The following LYPLA1 variants were observed in gnomAD, a reference collection of about 807,000 sequenced individuals.
The protein encoded by LYPLA1 is acyl-protein thioesterase 1.
LYPLA1 carries 17 observed loss-of-function variants against 34.0 expected under a neutral mutation model. That is an observed-to-expected ratio of 0.50 (90% CI 0.34 to 0.75). LYPLA1 has a LOEUF of 0.75. LYPLA1 is among the 30% of genes least tolerant of loss of function. LYPLA1 has a pLI of 0.01. For missense variants in LYPLA1, 203 were observed against 288.8 expected, an observed-to-expected ratio of 0.70 and a Z score of 2.15; for synonymous variants, 98 against 100.8, an observed-to-expected ratio of 0.97 and a Z score of 0.17.
At chr8:54,071,787 T>A (rs191062651) in intron 2 of LYPLA1, among the ~76,000 whole-genome samples, 2 of 152,118 alleles carry the variant, frequency 1.3e-5, no homozygotes, top group East Asian at 3.9e-4. Flanking sequence ...GAAGAATCAA[T>A]ACTGTTAAAT....
chr8:54,049,405 CCTTT>C (rs944240792), intron 8 of LYPLA1, among the ~76,000 whole-genome samples: 3 of 152,034 alleles, frequency 2.0e-5, no homozygotes, highest in Non-Finnish European at 2.9e-5. Flanking sequence ...ATTCATCCAT[CCTTT>C]CTTTCTTTTT....
rs776614227 is a variant in LYPLA1, at chr8:54,063,330, T to C, written c.213A>G (p.Ser71=). Residue 71 remains serine (S), a splice_region_variant and synonymous_variant, in exon 4 of 9, where the codon TCA becomes TCG. Transcript: ENST00000316963. ...TCAATAAGTAAATTCTTACTTACCA[T>C]GAAGGCATAGCCACGTTCATATTTA... ...VTLNMNVAMP[S]WFDIIGLSPD... 2 of 1,513,584 alleles carry C rather than the reference T, an allele frequency of 1.3e-6. No homozygotes were observed. Among genetic ancestry groups the C allele is most frequent in the African/African-American group, 1.4e-5 (1 of 71,526 alleles). 93.8% of individuals were successfully genotyped at this position (1,513,584 alleles called of 1,614,324 possible). A position where few individuals can be genotyped will look rare whatever the true frequency, so the allele number is the denominator to read the frequency against.
chr8:54,098,713 G>A (rs1003891034), intron 2 of LYPLA1, among the ~76,000 whole-genome samples: 1 of 151,980 alleles, frequency 6.6e-6, no homozygotes, highest in Non-Finnish European at 1.5e-5. Context: ...AAAAAAGAAT[G>A]GTGTACAATT....
At chr8:54,092,377 A>C (rs1809367087) in intron 2 of LYPLA1, among the ~76,000 whole-genome samples, 1 of 151,990 alleles carries the variant, frequency 6.6e-6, no homozygotes, top group Non-Finnish European at 1.5e-5. Context: ...AAGAGGAGGA[A>C]GAAAGAAGAA....
At chr8:54,063,437 A>G in intron 3 of LYPLA1, 62 bp from the exon 4 acceptor site, 1 of 1,042,928 alleles carries the variant, frequency 9.6e-7, no homozygotes, top group Non-Finnish European at 1.4e-6. Context: ...GATAAATTCC[A>G]TTAATCAAAA....
At chr8:54,085,511 G>A (rs368071066) in intron 2 of LYPLA1, among the ~76,000 whole-genome samples, 213 of 151,678 alleles carry the variant, frequency 1.4e-3, no homozygotes, top group Middle Eastern at 0.01. Context: ...CTTCCCGGCC[G>A]TCATCCCGTC....
At chr8:54,049,767 G>A in intron 8 of LYPLA1, among the ~76,000 whole-genome samples, 1 of 151,782 alleles carries the variant, frequency 6.6e-6, no homozygotes, top group East Asian at 1.9e-4. Context: ...TCTTCTTCCT[G>A]TTTACCAAAA....
At chr8:54,068,803 CAAG>C (rs1807262324) in intron 2 of LYPLA1, among the ~76,000 whole-genome samples, 1 of 151,854 alleles carries the variant, frequency 6.6e-6, no homozygotes, top group Non-Finnish European at 1.5e-5. Context: ...GCACAACCGA[CAAG>C]AAAAAAATAG....
At chr8:54,066,278 C>T (rs189647512) in intron 2 of LYPLA1, among the ~76,000 whole-genome samples, 2 of 152,138 alleles carry the variant, frequency 1.3e-5, no homozygotes, top group African/African-American at 2.4e-5. Flanking sequence ...ACTATTAAAA[C>T]AACACCATGA....
chr8:54,093,318 T>A (rs1256749773), intron 2 of LYPLA1, among the ~76,000 whole-genome samples: 1 of 152,192 alleles, frequency 6.6e-6, no homozygotes, highest in Non-Finnish European at 1.5e-5. Flanking sequence ...ATTTCCTTAG[T>A]TAAGAGTTGA....
intron 2 of LYPLA1, chr8:54,073,411 G>A (rs544529997): frequency 1.3e-5 from 10 of 776,584 alleles, no homozygotes; most frequent in Admixed American, 5.1e-5. Context: ...ATGCTGGCAC[G>A]GCCAGCTCCG....
intron 3 of LYPLA1, 62 bp downstream of exon 3, chr8:54,065,686 A>C (rs1563594795): frequency 1.6e-6 from 2 of 1,264,342 alleles, no homozygotes; most frequent in African/African-American, 1.5e-5. Context: ...GGAAGGGTAA[A>C]GCAATCACAA....
At chr8:54,084,406 A>G (rs902801528) in intron 2 of LYPLA1, among the ~76,000 whole-genome samples, 3 of 151,894 alleles carry the variant, frequency 2.0e-5, no homozygotes, top group African/African-American at 7.3e-5. Flanking sequence ...CCCCATCTCT[A>G]CCCAAAATAC....
chr8:54,080,368 A>G (rs1380304621), intron 2 of LYPLA1, among the ~76,000 whole-genome samples: 1 of 152,226 alleles, frequency 6.6e-6, no homozygotes, highest in Non-Finnish European at 1.5e-5. Flanking sequence ...AAAAATAGTA[A>G]TAACAATCTT....
intron 2 of LYPLA1, among the ~76,000 whole-genome samples, chr8:54,067,620 T>TAAGGAA (rs1807161465): frequency 6.6e-6 from 1 of 152,214 alleles, no homozygotes; most frequent in Admixed American, 6.5e-5. Context: ...GCTTTTTACA[T>TAAGGAA]ATTATCTCTA....
Position 54,081,724 on chromosome 8 carries a change from G to A in LYPLA1, c.102-15911C>T, listed in dbSNP as rs562140690. Among the ~76,000 whole-genome samples the A allele has an allele frequency of 1.6e-3, 221 of 138,616 alleles. 1 individual carries two copies. Among genetic ancestry groups the A allele is most frequent in the African/African-American group, 5.3e-3 (204 of 38,378 alleles). 90.9% of individuals were successfully genotyped at this position (138,616 alleles called of 152,430 possible). Reference sequence around the variant, plus strand: ...ACCACTGCGCCCAGCCTTTCTTTTCGTTTTTTTTTTTTTTGAGACAGAGTT... The same window carrying A: ...ACCACTGCGCCCAGCCTTTCTTTTCATTTTTTTTTTTTTTGAGACAGAGTT... On this transcript the variant is annotated intron_variant, in intron 2 of 8. Coordinates refer to ENST00000316963, the MANE Select transcript of LYPLA1 (RefSeq NM_006330.4).
At chr8:54,077,577 C>G (rs1180783540) in intron 2 of LYPLA1, among the ~76,000 whole-genome samples, 1 of 152,180 alleles carries the variant, frequency 6.6e-6, no homozygotes, top group Non-Finnish European at 1.5e-5. Context: ...AGACGGATCA[C>G]TTGAGGTCAG....
intron 5 of LYPLA1, among the ~76,000 whole-genome samples, chr8:54,059,121 G>A (rs1258880695): frequency 2.0e-5 from 3 of 152,100 alleles, no homozygotes; most frequent in Non-Finnish European, 4.4e-5. Context: ...CAGGGCCCAG[G>A]CCCTCCCTGT....
chr8:54,068,573 C>A (rs1458657703), intron 2 of LYPLA1, among the ~76,000 whole-genome samples: 1 of 152,164 alleles, frequency 6.6e-6, no homozygotes, highest in African/African-American at 2.4e-5. Context: ...AAACTTATTT[C>A]TGAAACAAAT....
Sources: allele counts gnomAD v4.1 joint callset (sites outside exome capture counted in the v4.1 genomes callset), GRCh38; gene constraint gnomAD v4.1.1; transcripts MANE v1.5; gene names NCBI Gene and HGNC (gene_info 2026-07-23, HGNC 2026-07-21).